Variants in GJA3 observed in about 807,000 individuals in gnomAD.
The protein encoded by GJA3 is gap junction alpha-3 protein.
For missense variants in GJA3, 571 were observed against 620.3 expected (o/e 0.92, Z 0.84); for synonymous variants, 297 against 292.6 (o/e 1.02, Z -0.15).
intron 1 of GJA3, among the ~76,000 whole-genome samples, chr13:20,155,658 T>C (rs571039613): frequency 6.6e-6 from 1 of 151,926 alleles, no homozygotes; most frequent in African/African-American, 2.4e-5. Context: ...AACTTTGACA[T>C]GCTTTTAAAA....
chr13:20,146,412 C>T (rs1958843161), intron 1 of GJA3, among the ~76,000 whole-genome samples: 1 of 152,236 alleles, frequency 6.6e-6, no homozygotes, highest in Admixed American at 6.5e-5. Context: ...AACTGGTAAA[C>T]CAGATGATAG....
intron 1 of GJA3, among the ~76,000 whole-genome samples, chr13:20,158,912 C>CAAAAAAAAAAAAACA (rs1958920621): frequency 1.8e-5 from 1 of 54,980 alleles, no homozygotes; most frequent in Non-Finnish European, 3.1e-5. Context: ...GCAAAACTCT[C>CAAAAAAAAAAAAACA]AAAAAAAAAA....
intron 1 of GJA3, among the ~76,000 whole-genome samples, chr13:20,151,930 G>A (rs753432643): frequency 2.0e-5 from 3 of 152,164 alleles, no homozygotes; most frequent in South Asian, 2.1e-4. Context: ...GTCGAGGTGT[G>A]AGAAAAGGCC....
Position 20,142,500 on chromosome 13 carries a change from G to A in GJA3, c.789C>T (p.Ala263=), listed in dbSNP as rs1286542997. 6.4e-7 allele frequency: 1 copy of A among 1,552,934 alleles called. No homozygotes were observed. Among genetic ancestry groups the A allele is most frequent in the Non-Finnish European group, 8.7e-7 (1 of 1,149,420 alleles). Residue 263 remains alanine (A), a synonymous_variant, in exon 2 of 2, where the codon GCC becomes GCT. Coordinates refer to ENST00000241125, the MANE Select transcript of GJA3 (RefSeq NM_021954.4). ...AGTAGGGTGGGAACCCGATGGCAACGGCGGGCGGCCGGGAGCTGGGGGGCA... is the reference window on the plus strand; with the variant it reads ...AGTAGGGTGGGAACCCGATGGCAACAGCGGGCGGCCGGGAGCTGGGGGGCA... ...PPLPPSSRPP[A]VAIGFPPYYA...
At chr13:20,153,801 T>TAA (rs11300208) in intron 1 of GJA3, among the ~76,000 whole-genome samples, 32 of 146,212 alleles carry the variant, frequency 2.2e-4, no homozygotes, top group South Asian at 6.5e-4. Context: ...AAAATTAAAT[T>TAA]AAAAAAAAAA....
At chr13:20,150,939 G>A (rs1355376876) in intron 1 of GJA3, among the ~76,000 whole-genome samples, 1 of 152,212 alleles carries the variant, frequency 6.6e-6, no homozygotes, top group Non-Finnish European at 1.5e-5. Flanking sequence ...CCTGGGGGAG[G>A]GGTCAATGCA....
intron 1 of GJA3, among the ~76,000 whole-genome samples, chr13:20,144,305 AGGGG>A (rs1159164602): frequency 6.6e-6 from 1 of 152,182 alleles, no homozygotes; most frequent in Admixed American, 6.5e-5. Flanking sequence ...TGTGAGGACC[AGGGG>A]CCAGCTCAGC....
chr13:20,158,197 C>T (rs1001432753), intron 1 of GJA3, among the ~76,000 whole-genome samples: 2 of 152,114 alleles, frequency 1.3e-5, no homozygotes, highest in Non-Finnish European at 2.9e-5. Flanking sequence ...TGAACAAAAT[C>T]CCACAACCTG....
chr13:20,148,605 T>G (rs571288627), intron 1 of GJA3, among the ~76,000 whole-genome samples: 1 of 152,280 alleles, frequency 6.6e-6, no homozygotes, highest in South Asian at 2.1e-4. Flanking sequence ...GATAGTGAAA[T>G]CAGCAGAGAG....
chr13:20,161,481 G>A (rs549007255), upstream of GJA3, among the ~76,000 whole-genome samples: 35 of 152,202 alleles, frequency 2.3e-4, no homozygotes, highest in African/African-American at 7.9e-4. Flanking sequence ...CTCTCCGGGC[G>A]CTCCCACGGT....
intron 1 of GJA3, among the ~76,000 whole-genome samples, chr13:20,159,084 T>G (rs886792414): frequency 4.6e-5 from 7 of 151,950 alleles, no homozygotes; most frequent in Non-Finnish European, 8.8e-5. Context: ...AAACATACTG[T>G]TTTTTAGAGA....
At chr13:20,151,921 T>C (rs1958880425) in intron 1 of GJA3, among the ~76,000 whole-genome samples, 1 of 151,808 alleles carries the variant, frequency 6.6e-6, no homozygotes, top group Non-Finnish European at 1.5e-5. Flanking sequence ...ATGTGAGCAG[T>C]CGAGGTGTGA....
chr13:20,143,333 C>G (rs766496304), intron 1 of GJA3, 28 bp from the exon 2 acceptor site: 1 of 1,450,748 alleles, frequency 6.9e-7, no homozygotes, highest in East Asian at 2.3e-5. Context: ...TCATGAACAC[C>G]GGGCTGCAAC....
chr13:20,148,280 CAG>C (rs1958855756), intron 1 of GJA3, among the ~76,000 whole-genome samples: 2 of 102,092 alleles, frequency 2.0e-5, no homozygotes, highest in Non-Finnish European at 3.7e-5. Context: ...TTTTTTGAGA[CAG>C]AGTCTCATTC....
chr13:20,138,666 G>C lies in GJA3; in HGVS notation c.*3315C>G, dbSNP rs1437581580. The stretch of plus-strand genomic sequence containing the variant: ...ATATCCTCAATTTGTAGGGGTGGCG[G>C]GTGGTGATGGTGGCAGGACTCTATT... On this transcript the variant is annotated 3_prime_UTR_variant, in exon 2 of 2. Transcript: ENST00000241125. The C allele has an allele frequency of 6.6e-6, 1 of 152,182 alleles. No homozygotes were observed. The highest frequency in any genetic ancestry group is 1.9e-4 in the East Asian group (1 of 5,202). 9.4% of individuals were successfully genotyped at this position (152,182 alleles called of 1,614,324 possible).
At chr13:20,159,933 C>T (rs1242374254) in intron 1 of GJA3, among the ~76,000 whole-genome samples, 3 of 152,118 alleles carry the variant, frequency 2.0e-5, no homozygotes, top group East Asian at 1.9e-4. Flanking sequence ...TGAAGTGATG[C>T]GCACATCATA....
At chr13:20,155,592 G>A (rs1260979432) in intron 1 of GJA3, among the ~76,000 whole-genome samples, 2 of 139,518 alleles carry the variant, frequency 1.4e-5, no homozygotes, top group Non-Finnish European at 3.0e-5. Flanking sequence ...TCCAAATATT[G>A]TTTATTTGGG....
At chr13:20,151,035 GC>G (rs1257318889) in intron 1 of GJA3, among the ~76,000 whole-genome samples, 1 of 149,712 alleles carries the variant, frequency 6.7e-6, no homozygotes, top group Non-Finnish European at 1.5e-5. Flanking sequence ...CAAAAGTGGG[GC>G]CCGGGGCCCA....
chr13:20,155,799 T>C (rs1958903950), intron 1 of GJA3, among the ~76,000 whole-genome samples: 1 of 152,056 alleles, frequency 6.6e-6, no homozygotes, highest in Non-Finnish European at 1.5e-5. Context: ...TTGGCATTAC[T>C]ATAAAATACA....
Sources: allele counts gnomAD v4.1 joint callset (sites outside exome capture counted in the v4.1 genomes callset), GRCh38; gene constraint gnomAD v4.1.1; transcripts MANE v1.5; gene names NCBI Gene and HGNC (gene_info 2026-07-23, HGNC 2026-07-21).